Variants in BCL6B observed in about 807,000 individuals in gnomAD.
The protein encoded by BCL6B is B-cell CLL/lymphoma 6 member B protein.
BCL6B carries 28 observed loss-of-function variants against 44.6 expected under a neutral mutation model. The ratio of observed to expected loss-of-function variants is 0.63; its 90% CI spans 0.47 to 0.86. BCL6B has a LOEUF of 0.86. BCL6B is among the 40% of genes least tolerant of loss of function. The pLI is 0.00. For synonymous variants in BCL6B, 268 were observed against 263.6 expected, an observed-to-expected ratio of 1.02 and a Z score of -0.16; for missense variants, 626 against 652.3, an observed-to-expected ratio of 0.96 and a Z score of 0.44.
At position 7,028,715 on chromosome 17, in the gene BCL6B, ACT is replaced by A. The variant is rs1404995267; in HGVS notation, c.*1099_*1100del. The A allele has an allele frequency of 1.0e-6, 1 of 985,164 alleles. No individual in the cohort carries two copies. The highest frequency in any genetic ancestry group is 1.2e-6 in the Non-Finnish European group (1 of 829,940). 61.0% of individuals were successfully genotyped at this position (985,164 alleles called of 1,614,324 possible). ...ATCAGAGATGATGTGACCTTTTCTG[ACT>A]CTGCCCAGTCTCTATGAATGTTATG... On this transcript the variant is annotated 3_prime_UTR_variant, in exon 9 of 9. Coordinates refer to ENST00000293805, the MANE Select transcript of BCL6B (RefSeq NM_181844.4).
rs1910398470 is a variant in BCL6B at position 7,029,615 on chromosome 17, T to C, written c.*1996T>C. 1 of 1,181,468 alleles carries C rather than the reference T, an allele frequency of 8.5e-7. No individual in the cohort carries two copies. The highest frequency in any genetic ancestry group is 1.6e-5 in the African/African-American group (1 of 62,192). 73.2% of individuals were successfully genotyped at this position (1,181,468 alleles called of 1,614,324 possible). ...AAATGTTAGATCTTGCAACATCAGA[T>C]CCTTGGAATAAAGAAGCCTCTCTGT... is the stretch of plus-strand genomic sequence containing the variant. On this transcript the variant is annotated 3_prime_UTR_variant, in exon 9 of 9. Transcript: ENST00000293805.
chr17:7,025,222 CT>C, intron 5 of BCL6B, 22 bp downstream of exon 5: 1 of 1,613,154 alleles, frequency 6.2e-7, no homozygotes, highest in Non-Finnish European at 8.5e-7. Flanking sequence ...TCTTTCTTGG[CT>C]TTTCTCCCGT....
intron 5 of BCL6B, among the ~76,000 whole-genome samples, chr17:7,025,774 T>C (rs780277363): frequency 1.5e-5 from 2 of 133,860 alleles, no homozygotes; most frequent in African/African-American, 5.6e-5. Flanking sequence ...GAGGTGGAGA[T>C]TGCAGTGAGC....
chr17:7,025,049 T>C, intron 4 of BCL6B, 27 bp from the exon 5 acceptor site: 1 of 1,613,182 alleles, frequency 6.2e-7, no homozygotes, highest in Non-Finnish European at 8.5e-7. Context: ...ACAATCTCTT[T>C]TAACCCTTTC....
Position 7,028,583 on chromosome 17 carries a change from A to G in BCL6B, c.*964A>G. On this transcript the variant is annotated 3_prime_UTR_variant, in exon 9 of 9. Transcript: ENST00000293805. ...GTTTGGCTCTGCTGTATCCATCTAT[A>G]GTGGTAGAGACCCACCAGGGCTCAA... 1 of 985,494 alleles carries G rather than the reference A, an allele frequency of 1.0e-6. No homozygotes were observed. Among genetic ancestry groups the G allele is most frequent in the Non-Finnish European group, 1.2e-6 (1 of 829,958 alleles). The allele number at this position is 985,494 out of a possible 1,614,324, so 61.0% of individuals were successfully genotyped here.
At position 7,024,946 on chromosome 17, in the gene BCL6B, A is replaced by G. The variant is rs1247691204; in HGVS notation, c.765-130A>G. On this transcript the variant is annotated intron_variant, in intron 4 of 8. Coordinates refer to ENST00000293805, the MANE Select transcript of BCL6B (RefSeq NM_181844.4). The surrounding 1 kb of genome is among the most constrained non-coding windows in gnomAD (Gnocchi z 6.6). ...GGGTGGCACTTGGGCAGTACAATGG[A>G]TGTGGCTCATTGGTCAACAATATTG... 6.0e-6 allele frequency: 9 copies of G among 1,493,392 alleles called. No homozygotes were observed. Among genetic ancestry groups the G allele is most frequent in the African/African-American group, 1.4e-5 (1 of 71,474 alleles). 92.5% of individuals were successfully genotyped at this position (1,493,392 alleles called of 1,614,324 possible). A position where few individuals can be genotyped will look rare whatever the true frequency, so the allele number is the denominator to read the frequency against.
rs1597340156 is a variant in BCL6B at position 7,024,390 on chromosome 17, A to C, written c.402-11A>C. ...AGGAAATGGCACTAACGTTCATCAC[A>C]CTTTCCCCAGCTATGAACCTCTGGG... On this transcript the variant is annotated splice_polypyrimidine_tract_variant and intron_variant, in intron 3 of 8. Transcript: ENST00000293805. The surrounding 1 kb of genome is among the most constrained non-coding windows in gnomAD (Gnocchi z 6.6). 1 of 1,612,208 alleles carries C rather than the reference A, an allele frequency of 6.2e-7. No individual in the cohort carries two copies. The highest frequency in any genetic ancestry group is 1.1e-5 in the South Asian group (1 of 91,018).
chr17:7,025,894 G>A (rs1910275040), intron 5 of BCL6B, among the ~76,000 whole-genome samples: 1 of 150,442 alleles, frequency 6.6e-6, no homozygotes, highest in Non-Finnish European at 1.5e-5. Flanking sequence ...CACTAGCAGG[G>A]GCCTCCACCT....
In BCL6B at chr17:7,029,514, C is replaced by CCTT; in HGVS notation, c.*1895_*1896insCTT. 4 of 1,075,466 alleles carry CCTT rather than the reference C, an allele frequency of 3.7e-6. No homozygotes were observed. The highest frequency in any genetic ancestry group is 4.5e-6 in the Non-Finnish European group (4 of 880,720). 66.6% of individuals were successfully genotyped at this position (1,075,466 alleles called of 1,614,324 possible). On this transcript the variant is annotated 3_prime_UTR_variant, in exon 9 of 9. Transcript: ENST00000293805. ...GAATTAAAGAAGGAAGAAGGGAAGG[C>CCTT]GGAGGAGTCTATAAGAAGGAATCAT... is the stretch of plus-strand genomic sequence containing the variant.
chr17:7,027,118 T>C, intron 8 of BCL6B, 31 bp downstream of exon 8: 1 of 1,612,456 alleles, frequency 6.2e-7, no homozygotes. Context: ...GCCCACTGCC[T>C]TAGAATTACC....
intron 5 of BCL6B, 144 bp downstream of exon 5, chr17:7,025,344 G>T (rs1910255939): frequency 4.2e-6 from 5 of 1,184,766 alleles, no homozygotes; most frequent in Non-Finnish European, 5.9e-6. Flanking sequence ...AACTCCCACT[G>T]CCCAGGTCAC....
chr17:7,023,572 A>T, intron 1 of BCL6B, 88 bp from the exon 2 acceptor site: 1 of 1,304,888 alleles, frequency 7.7e-7, no homozygotes, highest in Non-Finnish European at 1.0e-6. Context: ...TCCTGGCTCT[A>T]GTTGCACCTC....
At chr17:7,026,397 G>A in intron 5 of BCL6B, 60 bp from the exon 6 acceptor site, 1 of 1,576,962 alleles carries the variant, frequency 6.3e-7, no homozygotes, top group East Asian at 2.2e-5. Flanking sequence ...TGAGGATTCA[G>A]TAGTACCTAG....
chr17:7,023,979 G>A lies in BCL6B; in HGVS notation c.180-104G>A. ...AGCGTCCCAGAATTGGGGGCGGGGT[G>A]ATAGTGAGGAGGCGGGACTTTTTCA... is the stretch of plus-strand genomic sequence containing the variant. On this transcript the variant is annotated intron_variant, in intron 2 of 8. Coordinates refer to ENST00000293805, the MANE Select transcript of BCL6B (RefSeq NM_181844.4). The A allele has an allele frequency of 3.9e-6, 6 of 1,523,434 alleles. No homozygotes were observed. The South Asian group carries it at 7.1e-5, about 18-fold the overall frequency. 94.4% of individuals were successfully genotyped at this position (1,523,434 alleles called of 1,614,324 possible).
rs1017285870 is a variant in BCL6B at position 7,025,132 on chromosome 17, C to T, written c.821C>T (p.Pro274Leu). ...QFKCGAPAST[P>L]YLLTSQAQDT... Reference sequence around the variant, plus strand: ...AAATGTGGGGCTCCAGCCAGTACCCCCTACCTCCTCACATCCCAGGCTCAA... The same window carrying T: ...AAATGTGGGGCTCCAGCCAGTACCCTCTACCTCCTCACATCCCAGGCTCAA... The change falls in exon 5 of 9, where the codon CCC (proline) becomes CTC (leucine). Residue 274 changes from proline to leucine, a missense_variant. Physicochemically the swap from Pro to Leu is moderately conservative, Grantham distance 98. Transcript: ENST00000293805. The T allele has an allele frequency of 8.7e-6, 14 of 1,614,046 alleles. 1 individual carries two copies. The highest frequency in any genetic ancestry group is 6.7e-5 in the Admixed American group (4 of 59,996).
Position 7,026,579 on chromosome 17 carries a change from C to G in BCL6B, c.1012C>G (p.Arg338Gly). ...YKCQLCRSSF[R>G]YKGNLASHRT... The stretch of plus-strand genomic sequence containing the variant: ...GTGTCAGCTGTGCCGGTCTTCGTTC[C>G]GCTACAAGGGCAACCTTGCCAGTCA... The change falls in exon 6 of 9, where the codon CGC becomes GGC. Residue 338 changes from arginine to glycine, a missense_variant. By Grantham distance (125) the Arg-to-Gly change is moderately radical (BLOSUM62 -2). Transcript: ENST00000293805. 1 of 1,614,168 alleles carries G rather than the reference C, an allele frequency of 6.2e-7. No homozygotes were observed. Among genetic ancestry groups the G allele is most frequent in the Non-Finnish European group, 8.5e-7 (1 of 1,180,032 alleles).
At position 7,024,093 on chromosome 17, in the gene BCL6B, T is replaced by G; in HGVS notation, c.190T>G (p.Tyr64Asp). Reference sequence around the variant, plus strand: ...CTGCTCTCTCTCTAGTGGCTTCTTCTATTCAATTTTCCGGGGCCGTGCGGG... The same window carrying G: ...CTGCTCTCTCTCTAGTGGCTTCTTCGATTCAATTTTCCGGGGCCGTGCGGG... ...AVLIACSGFF[Y>D]SIFRGRAGVG... Residue 64 changes from tyrosine (Y) to aspartate (D), a missense_variant, in exon 3 of 9, where the codon TAT (tyrosine) becomes GAT (aspartate). Transcript: ENST00000293805. The surrounding 1 kb of genome is among the most constrained non-coding windows in gnomAD (Gnocchi z 6.6). 6.2e-7 allele frequency: 1 copy of G among 1,613,962 alleles called. No individual in the cohort carries two copies. The highest frequency in any genetic ancestry group is 8.5e-7 in the Non-Finnish European group (1 of 1,180,020).
Position 7,024,498 on chromosome 17 carries a change from C to T in BCL6B, c.499C>T (p.His167Tyr). 6.2e-7 allele frequency: 1 copy of T among 1,613,804 alleles called. No homozygotes were observed. Among genetic ancestry groups the T allele is most frequent in the Non-Finnish European group, 8.5e-7 (1 of 1,179,974 alleles). ...PPGSPRRSEG[H>Y]PDPPTESRSC... Reference sequence around the variant, plus strand: ...AGGTAGTCCCAGGCGCTCCGAAGGACACCCAGACCCACCTACTGAATCTCG... The same window carrying T: ...AGGTAGTCCCAGGCGCTCCGAAGGATACCCAGACCCACCTACTGAATCTCG... Residue 167 changes from histidine to tyrosine, a missense_variant, in exon 4 of 9, where the codon CAC (histidine) becomes TAC (tyrosine). Transcript: ENST00000293805. The surrounding 1 kb of genome is among the most constrained non-coding windows in gnomAD (Gnocchi z 6.6).
rs1441919133 is a variant in BCL6B at position 7,023,997 on chromosome 17, CT to C, written c.180-81del. ...GCGGGGTGATAGTGAGGAGGCGGGA[CT>C]TTTTCAGGGGGCGGGGCTTCCTGAA... On this transcript the variant is annotated intron_variant, in intron 2 of 8. Transcript: ENST00000293805. 6 of 1,540,938 alleles carry C rather than the reference CT, an allele frequency of 3.9e-6. No homozygotes were observed. The East Asian group carries it at 6.8e-5, about 17-fold the overall frequency.
Sources: gnomAD v4.1 joint callset for allele counts (sites outside exome capture counted in the v4.1 genomes callset) on GRCh38, gnomAD v4.1.1 for gene constraint, Gnocchi (gnomAD v3.1) non-coding constraint, MANE v1.5 for transcripts, NCBI Gene and HGNC (gene_info 2026-07-23, HGNC 2026-07-21) for gene names.